The following USP2 variants were observed in gnomAD, a reference collection of about 807,000 sequenced individuals.
USP2 encodes ubiquitin specific peptidase 2.
Under a neutral mutation model 72.0 loss-of-function variants are expected in USP2, and 33 were observed. The observed-to-expected ratio is 0.46, with a 90% confidence interval of 0.35 to 0.61. The LOEUF (loss-of-function observed/expected upper bound fraction) is 0.61. Among genes scored for constraint, USP2 ranks in the 20% least tolerant of loss-of-function variants. USP2 has a pLI of 0.01. For missense variants in USP2, 691 were observed against 797.8 expected, an observed-to-expected ratio of 0.87 and a Z score of 1.61; for synonymous variants, 296 against 312.5, an observed-to-expected ratio of 0.95 and a Z score of 0.56.
chr11:119,363,859 T>C, intron 2 of USP2: 2 of 1,419,040 alleles, frequency 1.4e-6, no homozygotes, highest in Non-Finnish European at 1.9e-6. Flanking sequence ...CTTGGCTTTG[T>C]TGAGCAGGAG....
chr11:119,361,318 ACT>A (rs1251948282), intron 2 of USP2, among the ~76,000 whole-genome samples: 1 of 151,986 alleles, frequency 6.6e-6, no homozygotes, highest in Non-Finnish European at 1.5e-5. Context: ...TGGATCGAGG[ACT>A]CTGAGCTTAT....
chr11:119,369,766 G>A (rs1950902710), intron 2 of USP2, among the ~76,000 whole-genome samples: 4 of 152,114 alleles, frequency 2.6e-5, no homozygotes, highest in Non-Finnish European at 5.9e-5. Context: ...GGTTAGAGAG[G>A]CCAACTGTTC....
intron 3 of USP2, 61 bp from the exon 4 acceptor site, chr11:119,359,721 T>C (rs906494313): frequency 6.9e-6 from 11 of 1,591,322 alleles, no homozygotes; most frequent in Admixed American, 1.7e-5. Context: ...CCTGTGTTAC[T>C]TACTACCAGA....
chr11:119,368,249 C>T (rs1328431019), intron 2 of USP2, among the ~76,000 whole-genome samples: 1 of 152,242 alleles, frequency 6.6e-6, no homozygotes, highest in African/African-American at 2.4e-5. Flanking sequence ...GAAGTTCAAC[C>T]TCCTTAGGGT....
At chr11:119,365,012 A>G (rs566849488) in intron 2 of USP2, among the ~76,000 whole-genome samples, 40 of 152,324 alleles carry the variant, frequency 2.6e-4, no homozygotes, top group Non-Finnish European at 2.8e-4. Context: ...CTCTGGCGTC[A>G]AGCACAGCCA....
intron 1 of USP2, among the ~76,000 whole-genome samples, chr11:119,378,739 T>C (rs1951029581): frequency 6.6e-6 from 1 of 152,102 alleles, no homozygotes; most frequent in Non-Finnish European, 1.5e-5. Flanking sequence ...CCAGGTAGTA[T>C]TGGGATCCTT....
intron 3 of USP2, 27 bp downstream of exon 3, chr11:119,360,157 G>C: frequency 6.2e-7 from 1 of 1,611,592 alleles, no homozygotes; most frequent in Non-Finnish European, 8.5e-7. Flanking sequence ...GTGGGCCTGG[G>C]GAAGAAGCAG....
At chr11:119,374,348 C>T (rs1030379415) in intron 1 of USP2, among the ~76,000 whole-genome samples, 6 of 152,218 alleles carry the variant, frequency 3.9e-5, no homozygotes, top group Admixed American at 2.6e-4. Flanking sequence ...CCCCTACAGT[C>T]CCAAATCTTG....
chr11:119,376,259 A>G (rs1950999313), intron 1 of USP2: 1 of 985,720 alleles, frequency 1.0e-6, no homozygotes, highest in Non-Finnish European at 1.2e-6. Context: ...AGAATGCACT[A>G]TGGGCAGGAG....
chr11:119,372,666 T>G, intron 2 of USP2, 41 bp downstream of exon 2: 1 of 1,496,232 alleles, frequency 6.7e-7, no homozygotes, highest in African/African-American at 1.4e-5. Context: ...CATCAGTGGC[T>G]GCCTCCCCAG....
At position 119,372,722 on chromosome 11, in the gene USP2, C is replaced by T. The variant is rs112645939; in HGVS notation, c.759G>A (p.Pro253=). 42 of 1,522,498 alleles carry T rather than the reference C, an allele frequency of 2.8e-5. No individual in the cohort carries two copies. Among genetic ancestry groups the T allele is most frequent in the African/African-American group, 1.4e-4 (10 of 71,928 alleles). 94.3% of individuals were successfully genotyped at this position (1,522,498 alleles called of 1,614,324 possible). The change falls in exon 2 of 13, where the codon CCG becomes CCA. Residue 253 remains proline (P), a synonymous_variant. Transcript: ENST00000260187. ...GTAAACTCACCATGCCGTCTCTTCC[C>T]GGGGAGCTGGAGCGGCTGGGCCCAG... ...QAPGPSRSSS[P]GRDGMNSKSA... is the part of the protein sequence containing the mutation.
rs763278460 is a variant in USP2, at chr11:119,356,886, G to C, written c.1767C>G (p.Ser589Arg). The change falls in exon 13 of 13, where the codon AGC becomes AGG. Residue 589 changes from serine (S) to arginine (R), a missense_variant. By Grantham distance (110) the Ser-to-Arg change is moderately radical (BLOSUM62 -1). Transcript: ENST00000260187. The part of the protein sequence containing the change: ...TPMSSSQVRT[S>R]DAYLLFYELA... Reference sequence around the variant, plus strand: ...GTTCGTAGAAGAGCAGGTAGGCGTCGCTGGTGCGCACTTGGCTGGAGGACA... The same window carrying C: ...GTTCGTAGAAGAGCAGGTAGGCGTCCCTGGTGCGCACTTGGCTGGAGGACA... 1 of 1,565,012 alleles carries C rather than the reference G, an allele frequency of 6.4e-7. No homozygotes were observed. Among genetic ancestry groups the C allele is most frequent in the South Asian group, 1.2e-5 (1 of 85,056 alleles).
At chr11:119,360,063 A>G in intron 3 of USP2, 121 bp downstream of exon 3, 5 of 1,239,476 alleles carry the variant, frequency 4.0e-6, no homozygotes, top group Non-Finnish European at 5.7e-6. Flanking sequence ...AGGAAGGGCA[A>G]GTGCCAACTG....
At chr11:119,366,087 G>A (rs1323871788) in intron 2 of USP2, among the ~76,000 whole-genome samples, 2 of 151,912 alleles carry the variant, frequency 1.3e-5, no homozygotes, top group Non-Finnish European at 2.9e-5. Context: ...TAGAGACGGG[G>A]TTTCACCATG....
intron 1 of USP2, among the ~76,000 whole-genome samples, chr11:119,375,581 G>A (rs1950990247): frequency 6.6e-6 from 1 of 152,210 alleles, no homozygotes; most frequent in South Asian, 2.1e-4. Flanking sequence ...ACAGGGTCGG[G>A]GTGGGGGCCC....
intron 6 of USP2, 61 bp from the exon 7 acceptor site, chr11:119,358,898 T>C: frequency 6.3e-7 from 1 of 1,596,358 alleles, no homozygotes; most frequent in Non-Finnish European, 8.6e-7. Context: ...TAAGGGTCTG[T>C]CAATTTTGAT....
intron 1 of USP2, among the ~76,000 whole-genome samples, chr11:119,375,698 A>C (rs1950991519): frequency 6.6e-6 from 1 of 152,134 alleles, no homozygotes; most frequent in Non-Finnish European, 1.5e-5. Flanking sequence ...AATCAGATAC[A>C]ATCCCCCCAA....
chr11:119,362,427 G>C (rs1209270988), intron 2 of USP2, among the ~76,000 whole-genome samples: 1 of 152,010 alleles, frequency 6.6e-6, no homozygotes, highest in Non-Finnish European at 1.5e-5. Context: ...TTTTAGGGTG[G>C]GGGTTGATGC....
chr11:119,366,309 G>GC (rs1950852139), intron 2 of USP2, among the ~76,000 whole-genome samples: 1 of 152,192 alleles, frequency 6.6e-6, no homozygotes, highest in Admixed American at 6.5e-5. Flanking sequence ...CAAAACCCAT[G>GC]CTTTTAACAG....
Sources: allele counts gnomAD v4.1 joint callset (sites outside exome capture counted in the v4.1 genomes callset), GRCh38; gene constraint gnomAD v4.1.1; transcripts MANE v1.5; gene names NCBI Gene and HGNC (gene_info 2026-07-23, HGNC 2026-07-21).